The following MAP4K5 variants were observed in gnomAD, a reference collection of about 807,000 sequenced individuals.
The protein encoded by MAP4K5 is MAPK/ERK kinase kinase kinase 5.
Under a neutral mutation model 135.6 loss-of-function variants are expected in MAP4K5, and 82 were observed. The ratio of observed to expected loss-of-function variants is 0.60; its 90% CI spans 0.51 to 0.73. The LOEUF (loss-of-function observed/expected upper bound fraction) is 0.73. Ranked by LOEUF, MAP4K5 falls within the 30% of genes least tolerant of loss-of-function variation. The probability of loss-of-function intolerance (pLI) is 0.00; values close to 1 mark genes in which losing one functional copy is unlikely to be tolerated. For synonymous variants in MAP4K5, 347 were observed against 335.0 expected (o/e 1.04, Z -0.39); for missense variants, 907 against 1,010.9 (o/e 0.90, Z 1.39).
intron 2 of MAP4K5, among the ~76,000 whole-genome samples, chr14:50,505,554 CTT>C (rs2140021159): frequency 6.6e-6 from 1 of 152,280 alleles, no homozygotes; most frequent in East Asian, 1.9e-4. Context: ...TATCAACAAA[CTT>C]ACTATAATTA....
At chr14:50,542,240 G>A (rs12896680) in intron 2 of MAP4K5, among the ~76,000 whole-genome samples, 5 of 146,144 alleles carry the variant, frequency 3.4e-5, no homozygotes, top group African/African-American at 7.6e-5. Flanking sequence ...ATGAGAACAC[G>A]TGGACACAGG....
chr14:50,533,010 A>T (rs1216788429), upstream of MAP4K5: 1 of 152,516 alleles, frequency 6.6e-6, no homozygotes, highest in Non-Finnish European at 1.5e-5. Context: ...GAGGTGGGGG[A>T]GTGCCAGGTT....
intron 13 of MAP4K5, among the ~76,000 whole-genome samples, chr14:50,457,074 T>A (rs569853232): frequency 6.6e-6 from 1 of 152,132 alleles, no homozygotes; most frequent in Non-Finnish European, 1.5e-5. Context: ...AACAAAGTGA[T>A]GTAAGAAATA....
At chr14:50,544,675 T>A (rs558797190) in intron 1 of MAP4K5, among the ~76,000 whole-genome samples, 1 of 152,074 alleles carries the variant, frequency 6.6e-6, no homozygotes, top group Non-Finnish European at 1.5e-5. Flanking sequence ...GGCTCACACT[T>A]GTAATCTCAG....
At chr14:50,441,015 G>C (rs1462402209) in intron 21 of MAP4K5, among the ~76,000 whole-genome samples, 2 of 152,186 alleles carry the variant, frequency 1.3e-5, no homozygotes, top group East Asian at 3.9e-4. Context: ...CATTCCCACT[G>C]CTCAAAAATT....
intron 2 of MAP4K5, among the ~76,000 whole-genome samples, chr14:50,523,810 C>T (rs2038202851): frequency 6.6e-6 from 1 of 152,200 alleles, no homozygotes; most frequent in South Asian, 2.1e-4. Flanking sequence ...ACAGTGTCTG[C>T]CCCATAGGAG....
intron 2 of MAP4K5, among the ~76,000 whole-genome samples, chr14:50,519,802 C>A (rs1566692078): frequency 6.6e-6 from 1 of 152,118 alleles, no homozygotes; most frequent in African/African-American, 2.4e-5. Context: ...TGAGTCCTAC[C>A]TGTAGATCTT....
In MAP4K5 at chr14:50,485,649, CAAA is replaced by C; in HGVS notation, c.258-10_258-8del. The C allele has an allele frequency of 7.6e-7, 1 of 1,312,648 alleles. No homozygotes were observed. Among genetic ancestry groups the C allele is most frequent in the Non-Finnish European group, 1.0e-6 (1 of 977,786 alleles). The allele number at this position is 1,312,648 out of a possible 1,614,324, so 81.3% of individuals were successfully genotyped here. On this transcript the variant is annotated splice_region_variant and splice_polypyrimidine_tract_variant and intron_variant, in intron 4 of 32. Transcript: ENST00000682126. The stretch of plus-strand genomic sequence containing the variant: ...AATCCATAGTTTTTCCCGACTAATA[CAAA>C]AAAAAAAGAAAATTATATTAGCTAG...
chr14:50,420,749 T>A (rs1272296791), intron 32 of MAP4K5, among the ~76,000 whole-genome samples: 1 of 152,102 alleles, frequency 6.6e-6, no homozygotes, highest in African/African-American at 2.4e-5. Flanking sequence ...GAGAATAAAA[T>A]AGGACTCTAA....
intron 2 of MAP4K5, among the ~76,000 whole-genome samples, chr14:50,505,993 G>C (rs1289144871): frequency 6.6e-6 from 1 of 152,134 alleles, no homozygotes; most frequent in Non-Finnish European, 1.5e-5. Context: ...GTTAATGTGA[G>C]TGCTCATTTT....
chr14:50,500,791 T>C (rs547192949), intron 3 of MAP4K5, among the ~76,000 whole-genome samples: 109 of 152,270 alleles, frequency 7.2e-4, no homozygotes, highest in African/African-American at 2.4e-3. Context: ...AGACTGATTC[T>C]TGAGCACAAA....
intron 6 of MAP4K5, among the ~76,000 whole-genome samples, chr14:50,478,853 T>A (rs538402004): frequency 1.3e-5 from 2 of 152,244 alleles, no homozygotes; most frequent in South Asian, 4.1e-4. Context: ...TTTCAGTACT[T>A]TAAAGATTTT....
intron 28 of MAP4K5, among the ~76,000 whole-genome samples, chr14:50,432,571 A>C (rs1330584647): frequency 1.6e-4 from 24 of 151,860 alleles, no homozygotes; most frequent in Admixed American, 1.4e-3. Context: ...AAAAAAAAAA[A>C]AAAAACAAAA....
chr14:50,472,672 T>G (rs2036993124), intron 9 of MAP4K5: 1 of 152,196 alleles, frequency 6.6e-6, no homozygotes. Context: ...ACATATGGAA[T>G]GTGGGGATGC....
At chr14:50,491,744 G>A (rs2037488830) in intron 3 of MAP4K5, among the ~76,000 whole-genome samples, 1 of 149,896 alleles carries the variant, frequency 6.7e-6, no homozygotes, top group African/African-American at 2.5e-5. Flanking sequence ...AGAGTACAGT[G>A]GCACGATCTT....
At chr14:50,490,268 G>A (rs2037456433) in intron 3 of MAP4K5, among the ~76,000 whole-genome samples, 1 of 151,944 alleles carries the variant, frequency 6.6e-6, no homozygotes, top group South Asian at 2.1e-4. Flanking sequence ...ATCTGAGACA[G>A]TAGACACTGG....
intron 23 of MAP4K5, among the ~76,000 whole-genome samples, chr14:50,439,509 A>G (rs368476312): frequency 6.6e-6 from 1 of 152,162 alleles, no homozygotes; most frequent in South Asian, 2.1e-4. Flanking sequence ...AAACATCTGT[A>G]TAAGACTCTA....
chr14:50,428,793 TCTG>T, intron 29 of MAP4K5, 39 bp from the exon 30 acceptor site: 1 of 932,902 alleles, frequency 1.1e-6, no homozygotes, highest in East Asian at 2.8e-5. Context: ...GACATGCAAA[TCTG>T]CTAAAATAAA....
chr14:50,452,464 T>C (rs529314214), intron 14 of MAP4K5, among the ~76,000 whole-genome samples: 1 of 152,328 alleles, frequency 6.6e-6, no homozygotes, highest in South Asian at 2.1e-4. Context: ...GGGCATCCTA[T>C]ACATCTGGGA....
Sources: gnomAD v4.1 joint callset for allele counts (sites outside exome capture counted in the v4.1 genomes callset) on GRCh38, gnomAD v4.1.1 for gene constraint, MANE v1.5 for transcripts, NCBI Gene and HGNC (gene_info 2026-07-23, HGNC 2026-07-21) for gene names.